Variants in GAS7 observed in about 807,000 individuals in gnomAD.
GAS7 encodes growth arrest specific 7, also known as growth arrest-specific protein 7.
In GAS7, 28 loss-of-function variants were observed where a neutral mutation model predicts 71.1. The observed-to-expected ratio is 0.39, with a 90% confidence interval of 0.29 to 0.54. The LOEUF (loss-of-function observed/expected upper bound fraction) is 0.54, where lower values mean the gene tolerates loss of function less well. Ranked by LOEUF, GAS7 falls within the 20% of genes least tolerant of loss-of-function variation. The pLI is 0.62. For missense variants in GAS7, 436 were observed against 627.8 expected (o/e 0.69, Z 3.27); for synonymous variants, 258 against 245.8 (o/e 1.05, Z -0.46).
chr17:10,162,289 C>A (rs866699230), intron 1 of GAS7, among the ~76,000 whole-genome samples: 2 of 152,078 alleles, frequency 1.3e-5, no homozygotes, highest in Non-Finnish European at 2.9e-5. Context: ...AGAAGCTGGG[C>A]GGGCTTATTT....
At chr17:9,975,482 T>TA (rs1201197757) in intron 3 of GAS7, among the ~76,000 whole-genome samples, 10 of 151,690 alleles carry the variant, frequency 6.6e-5, no homozygotes, top group African/African-American at 2.4e-4. Context: ...CGGGCTTCTT[T>TA]TTCCTTCCTC....
At chr17:9,993,745 T>C (rs1208352145) in intron 2 of GAS7, among the ~76,000 whole-genome samples, 1 of 150,766 alleles carries the variant, frequency 6.6e-6, no homozygotes, top group Non-Finnish European at 1.5e-5. Context: ...AAATTGTCCC[T>C]GTTTGCAGAC....
chr17:9,980,533 TA>T (rs2070374558), intron 3 of GAS7, among the ~76,000 whole-genome samples: 1 of 152,234 alleles, frequency 6.6e-6, no homozygotes, highest in Non-Finnish European at 1.5e-5. Context: ...ATTGGAAGAT[TA>T]AATTCCCAGC....
At chr17:9,925,187 C>CAA (rs11395653) in intron 11 of GAS7, among the ~76,000 whole-genome samples, 4 of 151,444 alleles carry the variant, frequency 2.6e-5, no homozygotes, top group Admixed American at 6.6e-5. Context: ...GGGCGGAAAA[C>CAA]AAAAAAAGCC....
rs3786097 is a variant in GAS7, at chr17:9,969,838, C to T, written c.386-76G>A. 5.7e-6 allele frequency: 5 copies of T among 883,424 alleles called. No individual in the cohort carries two copies. The highest frequency in any genetic ancestry group is 9.6e-6 in the Non-Finnish European group (5 of 520,982). 54.7% of individuals were successfully genotyped at this position (883,424 alleles called of 1,614,324 possible). ...CCCCCGCCTTTCGTCCACTGCAGCC[C>T]CTTTTCCCACCTCCTTCCTTGGCTC... On this transcript the variant is annotated intron_variant, in intron 3 of 13. Transcript: ENST00000432992. The surrounding 1 kb of genome is among the most constrained non-coding windows in gnomAD (Gnocchi z 5.5).
In GAS7 at chr17:9,919,620, GC is replaced by G. The variant is rs1296753352; in HGVS notation, c.1218+5del. On this transcript the variant is annotated splice_donor_5th_base_variant and intron_variant, in intron 12 of 13. Coordinates refer to ENST00000432992, the MANE Select transcript of GAS7 (RefSeq NM_201433.2). The surrounding 1 kb of genome is among the most constrained non-coding windows in gnomAD (Gnocchi z 5.0). ...CTGCCATGTCCACACATCCCTGCCC[GC>G]TTACCAATGTGGTGGTCACCATCTC... 6.2e-7 allele frequency: 1 copy of G among 1,604,268 alleles called. No individual in the cohort carries two copies. Among genetic ancestry groups the G allele is most frequent in the Non-Finnish European group, 8.5e-7 (1 of 1,171,262 alleles).
At chr17:10,093,670 A>C (rs1272071547) in intron 1 of GAS7, among the ~76,000 whole-genome samples, 1 of 152,004 alleles carries the variant, frequency 6.6e-6, no homozygotes, top group African/African-American at 2.4e-5. Context: ...CTGCAATCCT[A>C]CGAACAGTTG....
At chr17:10,039,824 AG>A in intron 1 of GAS7, 1 of 449,584 alleles carries the variant, frequency 2.2e-6, no homozygotes, top group South Asian at 1.6e-5. Context: ...TTTTCCGTTT[AG>A]GGGTGTGGCA....
At chr17:9,940,309 G>T in intron 7 of GAS7, 109 bp from the exon 8 acceptor site, 2 of 784,426 alleles carry the variant, frequency 2.5e-6, no homozygotes, top group Non-Finnish European at 4.6e-6. Flanking sequence ...TAGACCATAA[G>T]CTCTGAGACC....
intron 2 of GAS7, among the ~76,000 whole-genome samples, chr17:10,007,197 A>G (rs140622523): frequency 6.6e-6 from 1 of 152,358 alleles, no homozygotes. Context: ...TCTCTTTCCA[A>G]ATAGATTCTG....
intron 1 of GAS7, among the ~76,000 whole-genome samples, chr17:10,134,480 T>C (rs2074023350): frequency 6.6e-6 from 1 of 152,218 alleles, no homozygotes; most frequent in Non-Finnish European, 1.5e-5. Context: ...AATTCTATTT[T>C]TAATTTTTTG....
At chr17:9,979,872 A>C (rs963187813) in intron 3 of GAS7, among the ~76,000 whole-genome samples, 7 of 151,622 alleles carry the variant, frequency 4.6e-5, no homozygotes, top group Non-Finnish European at 7.4e-5. Flanking sequence ...TAAAAAAAAA[A>C]AAAAACACAA....
intron 2 of GAS7, among the ~76,000 whole-genome samples, chr17:10,005,149 G>GCATGTGTATGTACATGCATA (rs2071443064): frequency 4.5e-5 from 4 of 88,350 alleles, no homozygotes; most frequent in South Asian, 8.0e-4. Context: ...GCGCACGCAT[G>GCATGTGTATGTACATGCATA]CATGCATGTG....
intron 2 of GAS7, among the ~76,000 whole-genome samples, chr17:9,997,004 G>A (rs1726092388): frequency 6.6e-6 from 1 of 152,010 alleles, no homozygotes; most frequent in Non-Finnish European, 1.5e-5. Context: ...ATAGAAAACA[G>A]ACAAAACTTG....
At chr17:10,179,389 C>G (rs2074397693) in intron 1 of GAS7, among the ~76,000 whole-genome samples, 1 of 151,892 alleles carries the variant, frequency 6.6e-6, no homozygotes, top group African/African-American at 2.4e-5. Context: ...AGTATTTTCC[C>G]TTATACCAAG....
intron 1 of GAS7, among the ~76,000 whole-genome samples, chr17:10,150,975 C>A (rs115014830): frequency 3.1e-4 from 47 of 152,222 alleles, no homozygotes; most frequent in African/African-American, 1.0e-3. Flanking sequence ...CTCAGTTTCC[C>A]CACCTGTAAA....
intron 1 of GAS7, among the ~76,000 whole-genome samples, chr17:10,052,566 T>C (rs2073077266): frequency 6.6e-6 from 1 of 152,194 alleles, no homozygotes; most frequent in Non-Finnish European, 1.5e-5. Context: ...AGTTTTGTTT[T>C]TCAGCTGGCA....
intron 1 of GAS7, among the ~76,000 whole-genome samples, chr17:10,057,568 G>A (rs1372884541): frequency 7.2e-6 from 1 of 138,734 alleles, no homozygotes; most frequent in Non-Finnish European, 1.6e-5. Flanking sequence ...CAGCCGCCCC[G>A]TCAGGGAGGG....
In GAS7 at chr17:9,969,823, T is replaced by C; in HGVS notation, c.386-61A>G. On this transcript the variant is annotated intron_variant, in intron 3 of 13. Coordinates refer to ENST00000432992, the MANE Select transcript of GAS7 (RefSeq NM_201433.2). The surrounding 1 kb of genome is among the most constrained non-coding windows in gnomAD (Gnocchi z 5.5). ...GGCCACAGATGGGCACCCCCGCCTTTCGTCCACTGCAGCCCCTTTTCCCAC... is the reference window on the plus strand; with the variant it reads ...GGCCACAGATGGGCACCCCCGCCTTCCGTCCACTGCAGCCCCTTTTCCCAC... 9.2e-7 allele frequency: 1 copy of C among 1,081,710 alleles called. No homozygotes were observed. Among genetic ancestry groups the C allele is most frequent in the Non-Finnish European group, 1.4e-6 (1 of 696,444 alleles). 67.0% of individuals were successfully genotyped at this position (1,081,710 alleles called of 1,614,324 possible).
Sources: gnomAD v4.1 joint callset for allele counts (sites outside exome capture counted in the v4.1 genomes callset) on GRCh38, gnomAD v4.1.1 for gene constraint, Gnocchi (gnomAD v3.1) non-coding constraint, MANE v1.5 for transcripts, NCBI Gene and HGNC (gene_info 2026-07-23, HGNC 2026-07-21) for gene names.